The following NHSL3 variants were observed in gnomAD, a reference collection of about 807,000 sequenced individuals.
The protein encoded by NHSL3 is NHS like 3.
At chr1:32,753,377 C>T in the NHSL3 span, among the ~76,000 whole-genome samples, 1 of 151,266 alleles carries the variant, frequency 6.6e-6, no homozygotes, top group Non-Finnish European at 1.5e-5. Context: ...CCCAGCTACT[C>T]GGGAGGCTGA....
chr1:32,769,938 C>A, the NHSL3 span: 3 of 1,607,424 alleles, frequency 1.9e-6, no homozygotes, highest in Non-Finnish European at 1.7e-6. Flanking sequence ...CACGGGATGC[C>A]GTACGCATCC....
chr1:32,774,805 A>C, the NHSL3 span: 1 of 152,558 alleles, frequency 6.6e-6, no homozygotes, highest in African/African-American at 2.4e-5. Context: ...TCTGATTTTT[A>C]ATTTCCATAA....
the NHSL3 span, among the ~76,000 whole-genome samples, chr1:32,752,444 C>T: frequency 2.0e-5 from 3 of 152,140 alleles, no homozygotes; most frequent in Non-Finnish European, 2.9e-5. Context: ...ACCATGTTGC[C>T]TCTAGTTGGA....
chr1:32,748,797 G>A, the NHSL3 span, among the ~76,000 whole-genome samples: 1 of 152,170 alleles, frequency 6.6e-6, no homozygotes, highest in Non-Finnish European at 1.5e-5. Context: ...GTTTCCCAGA[G>A]GAGTTTGGGG....
At chr1:32,765,986 A>G in the NHSL3 span, among the ~76,000 whole-genome samples, 2 of 152,008 alleles carry the variant, frequency 1.3e-5, no homozygotes, top group African/African-American at 2.4e-5. Context: ...GCTTTTGTCC[A>G]GCCGCTTTGT....
the NHSL3 span, among the ~76,000 whole-genome samples, chr1:32,746,103 C>T: frequency 2.6e-5 from 4 of 151,484 alleles, no homozygotes; most frequent in East Asian, 1.9e-4. Flanking sequence ...TGGTGTCGGG[C>T]GCCTGTAGTC....
At chr1:32,753,822 C>T in the NHSL3 span, among the ~76,000 whole-genome samples, 1 of 152,202 alleles carries the variant, frequency 6.6e-6, no homozygotes, top group African/African-American at 2.4e-5. Flanking sequence ...AGGCCTTCCC[C>T]TGTGCGCCCT....
the NHSL3 span, chr1:32,771,478 C>T: frequency 6.3e-6 from 10 of 1,579,492 alleles, no homozygotes; most frequent in Middle Eastern, 3.9e-4. Flanking sequence ...CCTCCAAGAT[C>T]CCAACTGGCC....
chr1:32,767,676 T>G, the NHSL3 span: 4 of 871,090 alleles, frequency 4.6e-6, no homozygotes, highest in Non-Finnish European at 3.6e-6. Flanking sequence ...TGCTTGTATA[T>G]GCAATGGCCG....
chr1:32,770,928 A>C, the NHSL3 span: 1 of 1,611,184 alleles, frequency 6.2e-7, no homozygotes, highest in Non-Finnish European at 8.5e-7. This position sits in a 1 kb window ranked among gnomAD's most constrained non-coding sequence, Gnocchi z 8.3. Context: ...CCTCCAGTGG[A>C]TACTCGAGCC....
chr1:32,749,478 A>T, the NHSL3 span, among the ~76,000 whole-genome samples: 3 of 152,036 alleles, frequency 2.0e-5, no homozygotes, highest in Non-Finnish European at 2.9e-5. Flanking sequence ...CCGAGATGTC[A>T]TAGGGAGCCC....
At chr1:32,750,588 A>G in the NHSL3 span, among the ~76,000 whole-genome samples, 3 of 151,700 alleles carry the variant, frequency 2.0e-5, no homozygotes, top group South Asian at 2.1e-4. Context: ...GCTCACCGCA[A>G]CCTCCACCTC....
the NHSL3 span, among the ~76,000 whole-genome samples, chr1:32,764,737 T>C: frequency 2.0e-5 from 3 of 152,222 alleles, no homozygotes; most frequent in Non-Finnish European, 4.4e-5. Flanking sequence ...CCTCCCAAAA[T>C]GCTGGGATTA....
the NHSL3 span, chr1:32,742,242 G>A: frequency 8.1e-7 from 1 of 1,237,822 alleles, no homozygotes; most frequent in Non-Finnish European, 1.0e-6. Context: ...GGGTGCGGCC[G>A]AGGGGGCTCT....
chr1:32,762,880 G>A, the NHSL3 span, among the ~76,000 whole-genome samples: 3 of 151,968 alleles, frequency 2.0e-5, no homozygotes, highest in African/African-American at 4.8e-5. Flanking sequence ...GGGCCACCAC[G>A]CCCGGCCCGG....
At chr1:32,760,790 G>A in the NHSL3 span, among the ~76,000 whole-genome samples, 2 of 151,942 alleles carry the variant, frequency 1.3e-5, no homozygotes, top group South Asian at 2.1e-4. Flanking sequence ...GGGCTTTCAC[G>A]GCGTTGGCCA....
the NHSL3 span, chr1:32,771,641 C>T: frequency 6.2e-7 from 1 of 1,612,682 alleles, no homozygotes; most frequent in Non-Finnish European, 8.5e-7. Context: ...TCGTCCTCCT[C>T]AGCTACTGCT....
At chr1:32,773,711 CTG>C in the NHSL3 span, 12 of 152,836 alleles carry the variant, frequency 7.9e-5, no homozygotes, top group East Asian at 1.5e-3. Context: ...CTTGACCACA[CTG>C]GGGTGGGTGG....
the NHSL3 span, chr1:32,770,191 C>T: frequency 6.2e-7 from 1 of 1,604,056 alleles, no homozygotes; most frequent in Admixed American, 1.7e-5. The surrounding 1 kb of genome is among the most constrained non-coding windows in gnomAD (Gnocchi z 8.3). Flanking sequence ...TGCAGAGCCC[C>T]TGAGCCCGGC....
Sources: allele counts gnomAD v4.1 joint callset (sites outside exome capture counted in the v4.1 genomes callset), GRCh38; gene constraint gnomAD v4.1.1; non-coding constraint Gnocchi (gnomAD v3.1); transcripts MANE v1.5; gene names NCBI Gene and HGNC (gene_info 2026-07-23, HGNC 2026-07-21).